The following SLC44A5 variants were observed in gnomAD, a reference collection of about 807,000 sequenced individuals.
SLC44A5 encodes the protein solute carrier family 44 member 5.
Under a neutral mutation model 101.8 loss-of-function variants are expected in SLC44A5, and 57 were observed. The ratio of observed to expected loss-of-function variants is 0.56; its 90% CI spans 0.45 to 0.70. SLC44A5 has a LOEUF of 0.70. SLC44A5 is among the 30% of genes least tolerant of loss of function. The probability of loss-of-function intolerance (pLI) is 0.00; values close to 1 mark genes in which losing one functional copy is unlikely to be tolerated. For synonymous variants in SLC44A5, 281 were observed against 290.9 expected (o/e 0.97, Z 0.35); for missense variants, 737 against 853.1 (o/e 0.86, Z 1.70).
chr1:75,580,876 A>T (rs1673657459), intron 1 of SLC44A5, among the ~76,000 whole-genome samples: 1 of 151,900 alleles, frequency 6.6e-6, no homozygotes, highest in South Asian at 2.1e-4. Context: ...AAAGAAAGGA[A>T]AGGAAAGAGG....
At chr1:75,498,438 T>C (rs2101831677) in intron 2 of SLC44A5, among the ~76,000 whole-genome samples, 1 of 152,328 alleles carries the variant, frequency 6.6e-6, no homozygotes, top group East Asian at 1.9e-4. Flanking sequence ...ATTTCCTTTT[T>C]ACAAATTCTA....
At chr1:75,330,607 A>G (rs1356362382) in intron 4 of SLC44A5, among the ~76,000 whole-genome samples, 2 of 151,992 alleles carry the variant, frequency 1.3e-5, no homozygotes, top group African/African-American at 4.8e-5. Context: ...CTTCTAGATA[A>G]TGTCTAGCAC....
Position 75,583,882 on chromosome 1 carries a change from A to C in SLC44A5, c.-70+27158T>G, listed in dbSNP as rs975821019. Among the ~76,000 whole-genome samples the C allele has an allele frequency of 2.0e-5, 3 of 152,342 alleles. No homozygotes were observed. In the East Asian group the frequency reaches 5.8e-4, roughly 29 times the overall value. On this transcript the variant is annotated intron_variant, in intron 1 of 23. Transcript: ENST00000370859. Reference sequence around the variant, plus strand: ...CCTCTAAAAAAAGTCTGAATAGGCCAAAGGCAGATCACAGACCAGTTGGTG... The same window carrying C: ...CCTCTAAAAAAAGTCTGAATAGGCCCAAGGCAGATCACAGACCAGTTGGTG...
the SLC44A5 span, among the ~76,000 whole-genome samples, chr1:75,716,991 G>A: frequency 2.0e-5 from 3 of 151,726 alleles, no homozygotes; most frequent in East Asian, 2.0e-4. Context: ...CCGAGATCGC[G>A]CCACTGCACT....
chr1:75,222,105 C>A (rs111618189), intron 14 of SLC44A5, among the ~76,000 whole-genome samples: 1 of 151,794 alleles, frequency 6.6e-6, no homozygotes, highest in African/African-American at 2.4e-5. Context: ...TACAGGCATG[C>A]GCCACCACGC....
At chr1:75,294,420 G>C (rs780874331) in intron 5 of SLC44A5, among the ~76,000 whole-genome samples, 1 of 152,148 alleles carries the variant, frequency 6.6e-6, no homozygotes, top group African/African-American at 2.4e-5. Context: ...TGATAGCATG[G>C]AGGTCACTCA....
chr1:75,626,006 A>G, the SLC44A5 span, among the ~76,000 whole-genome samples: 1 of 152,158 alleles, frequency 6.6e-6, no homozygotes, highest in African/African-American at 2.4e-5. Flanking sequence ...TTGAGGAAGT[A>G]TGTTGTGGGG....
intron 2 of SLC44A5, among the ~76,000 whole-genome samples, chr1:75,493,941 C>G (rs1488070250): frequency 6.6e-6 from 1 of 152,194 alleles, no homozygotes; most frequent in African/African-American, 2.4e-5. Context: ...GTGCTGGAAG[C>G]TGATGAGGTA....
At position 75,484,835 on chromosome 1, in the gene SLC44A5, G is replaced by A. The variant is rs539190975; in HGVS notation, c.13+56600C>T. 2.6e-5 allele frequency among the ~76,000 whole-genome samples: 4 copies of A among 152,352 alleles called. No homozygotes were observed. In the South Asian group the frequency reaches 8.3e-4, roughly 32 times the overall value. ...ACTGTAAGCCCAACACCACGTGAAA[G>A]CTGCACAGGTTTGGGGCTTGCACCT... On this transcript the variant is annotated intron_variant, in intron 2 of 23. Coordinates refer to ENST00000370859, the MANE Select transcript of SLC44A5 (RefSeq NM_001130058.2).
At chr1:75,584,427 G>C (rs1396843334) in intron 1 of SLC44A5, among the ~76,000 whole-genome samples, 2 of 152,188 alleles carry the variant, frequency 1.3e-5, no homozygotes, top group African/African-American at 4.8e-5. Context: ...AATTAACAAT[G>C]AATTAGGACA....
chr1:75,351,419 C>A (rs1658647377), intron 3 of SLC44A5, among the ~76,000 whole-genome samples: 2 of 151,932 alleles, frequency 1.3e-5, no homozygotes, highest in Non-Finnish European at 2.9e-5. Flanking sequence ...AAAAATCAAT[C>A]TCAGATAGAA....
At chr1:75,344,738 C>T (rs1428766823) in intron 3 of SLC44A5, among the ~76,000 whole-genome samples, 1 of 152,124 alleles carries the variant, frequency 6.6e-6, no homozygotes. Flanking sequence ...GGACATCCTG[C>T]TAATCCCTTG....
At chr1:75,265,406 G>A (rs1650902916) in intron 6 of SLC44A5, among the ~76,000 whole-genome samples, 1 of 152,150 alleles carries the variant, frequency 6.6e-6, no homozygotes, top group Admixed American at 6.6e-5. Context: ...CTGGGGCAGG[G>A]GCTGGGGAGT....
At chr1:75,434,112 C>T (rs1052678479) in intron 2 of SLC44A5, among the ~76,000 whole-genome samples, 2 of 152,136 alleles carry the variant, frequency 1.3e-5, no homozygotes, top group African/African-American at 4.8e-5. Context: ...ATCACCCTCT[C>T]ATCTCTAAGC....
rs1570038273 is a variant in SLC44A5, at chr1:75,375,596, T to C, written c.52+20987A>G. On this transcript the variant is annotated intron_variant, in intron 3 of 23. Transcript: ENST00000370859. ...AAGGCAACTGTAGAAAAGGGTCATATCACTTTTCTATCACTGTTCACAAAG... is the reference window on the plus strand; with the variant it reads ...AAGGCAACTGTAGAAAAGGGTCATACCACTTTTCTATCACTGTTCACAAAG... Among the ~76,000 whole-genome samples the C allele has an allele frequency of 5.5e-5, 5 of 91,400 alleles. No homozygotes were observed. The East Asian group carries it at 6.7e-3, about 122-fold the overall frequency. 60.0% of individuals were successfully genotyped at this position (91,400 alleles called of 152,430 possible).
intron 4 of SLC44A5, among the ~76,000 whole-genome samples, chr1:75,307,913 TAGAA>T (rs1327867752): frequency 2.6e-5 from 4 of 152,208 alleles, no homozygotes; most frequent in Non-Finnish European, 5.9e-5. Flanking sequence ...AGAAACCTCA[TAGAA>T]AGGCACAAAT....
chr1:75,528,766 T>A (rs1482666757), intron 2 of SLC44A5, among the ~76,000 whole-genome samples: 1 of 152,222 alleles, frequency 6.6e-6, no homozygotes, highest in African/African-American at 2.4e-5. Context: ...TCTTCATTTC[T>A]AGCCACTTCC....
At chr1:75,476,320 T>C (rs1667397597) in intron 2 of SLC44A5, among the ~76,000 whole-genome samples, 1 of 151,854 alleles carries the variant, frequency 6.6e-6, no homozygotes, top group African/African-American at 2.4e-5. Context: ...CCAGCGTGAG[T>C]GACGCAGAAG....
the SLC44A5 span, among the ~76,000 whole-genome samples, chr1:75,666,822 C>A: frequency 6.6e-6 from 1 of 152,144 alleles, no homozygotes; most frequent in African/African-American, 2.4e-5. Flanking sequence ...ATAAACAGAA[C>A]CCATGACAGA....
Sources: allele counts gnomAD v4.1 joint callset (sites outside exome capture counted in the v4.1 genomes callset), GRCh38; gene constraint gnomAD v4.1.1; transcripts MANE v1.5; gene names NCBI Gene and HGNC (gene_info 2026-07-23, HGNC 2026-07-21).